CDC20B: variants seen among roughly 807,000 people sequenced by gnomAD.
The protein encoded by CDC20B is cell division cycle 20B.
CDC20B carries 58 observed loss-of-function variants against 64.1 expected under a neutral mutation model. The observed-to-expected ratio is 0.90, with a 90% CI of 0.73 to 1.13. The LOEUF (loss-of-function observed/expected upper bound fraction) is 1.13. Ranked by LOEUF, CDC20B falls within the 50% of genes most tolerant of loss-of-function variation. CDC20B has a pLI of 0.00. For synonymous variants in CDC20B, 243 were observed against 230.6 expected, an observed-to-expected ratio of 1.05 and a Z score of -0.49; for missense variants, 597 against 633.0, an observed-to-expected ratio of 0.94 and a Z score of 0.61.
chr5:55,125,553 T>G (rs990171975), intron 8 of CDC20B, among the ~76,000 whole-genome samples: 1 of 152,204 alleles, frequency 6.6e-6, no homozygotes, highest in African/African-American at 2.4e-5. Flanking sequence ...AAAAGAAGTT[T>G]AAAACCAATT....
intron 2 of CDC20B, among the ~76,000 whole-genome samples, chr5:55,156,199 G>C (rs752898648): frequency 6.6e-6 from 1 of 152,070 alleles, no homozygotes; most frequent in Non-Finnish European, 1.5e-5. Context: ...ACTACCACAA[G>C]AACAGTATAG....
chr5:55,163,930 T>C, intron 2 of CDC20B: 2 of 669,568 alleles, frequency 3.0e-6, no homozygotes, highest in Middle Eastern at 4.6e-4. Context: ...GGGTGTTTTG[T>C]TTTTTATATT....
At chr5:55,165,968 T>C (rs1473790093) in intron 2 of CDC20B, 1 of 152,224 alleles carries the variant, frequency 6.6e-6, no homozygotes, top group East Asian at 1.9e-4. Context: ...CCAACAAGCC[T>C]ATCTGTCCTT....
intron 2 of CDC20B, among the ~76,000 whole-genome samples, chr5:55,151,300 C>A (rs1253123979): frequency 1.3e-5 from 2 of 152,156 alleles, no homozygotes; most frequent in African/African-American, 4.8e-5. Flanking sequence ...TTCAAAAAGA[C>A]TGGAGGACTC....
At chr5:55,133,695 A>T (rs1743086241) in intron 5 of CDC20B, among the ~76,000 whole-genome samples, 167 bp from the exon 6 acceptor site, 1 of 152,214 alleles carries the variant, frequency 6.6e-6, no homozygotes, top group Non-Finnish European at 1.5e-5. Flanking sequence ...AAGGAAATGA[A>T]GAGCACTTCA....
chr5:55,161,325 C>G, intron 2 of CDC20B: 2 of 1,375,250 alleles, frequency 1.5e-6, no homozygotes, highest in East Asian at 2.3e-5. Context: ...CAGGACAATA[C>G]TTTCCTATTT....
At chr5:55,156,266 G>T (rs534067453) in intron 2 of CDC20B, among the ~76,000 whole-genome samples, 108 of 152,142 alleles carry the variant, frequency 7.1e-4, no homozygotes, top group African/African-American at 2.6e-3. Context: ...TCATATGTGG[G>T]GATTATTACA....
At chr5:55,133,682 A>G (rs143967833) in intron 5 of CDC20B, among the ~76,000 whole-genome samples, 154 bp from the exon 6 acceptor site, 76 of 152,338 alleles carry the variant, frequency 5.0e-4, no homozygotes, top group African/African-American at 1.8e-3. Context: ...GAGCCGGGGA[A>G]GGAAGGAAAT....
At chr5:55,132,926 A>C (rs372084834) in intron 6 of CDC20B, among the ~76,000 whole-genome samples, 1 of 152,188 alleles carries the variant, frequency 6.6e-6, no homozygotes, top group East Asian at 1.9e-4. Flanking sequence ...TATCTCCACA[A>C]CGTCTTTCTG....
At chr5:55,115,735 C>T (rs535947884) in intron 11 of CDC20B, among the ~76,000 whole-genome samples, 1 of 152,276 alleles carries the variant, frequency 6.6e-6, no homozygotes, top group South Asian at 2.1e-4. Context: ...CAGAAATGAT[C>T]GTGTACTCTG....
At position 55,119,828 on chromosome 5, in the gene CDC20B, T is replaced by TG. The variant is rs1451511571; in HGVS notation, c.1431dup (p.Thr478HisfsTer33). 1 of 1,613,802 alleles carries TG rather than the reference T, an allele frequency of 6.2e-7. No homozygotes were observed. Among genetic ancestry groups the TG allele is most frequent in the Non-Finnish European group, 8.5e-7 (1 of 1,179,816 alleles). On this transcript the variant is annotated frameshift_variant, in exon 11 of 12. Coordinates refer to ENST00000381375, the MANE Select transcript of CDC20B (RefSeq NM_001170402.1). LOFTEE classifies it high-confidence loss of function. Reference sequence around the variant, plus strand: ...AAAAACCCACCTGACCTGGACACAGTGGGACAGGTCCACACAGTCACATCA... The same window carrying TG: ...AAAAACCCACCTGACCTGGACACAGTGGGGACAGGTCCACACAGTCACATCA...
At chr5:55,121,344 G>A (rs754589469) in intron 9 of CDC20B, among the ~76,000 whole-genome samples, 5 of 151,874 alleles carry the variant, frequency 3.3e-5, no homozygotes, top group Admixed American at 6.6e-5. Context: ...AGTTTTCCAC[G>A]TTTTAATAGA....
chr5:55,142,917 T>C (rs1038319119), intron 4 of CDC20B, among the ~76,000 whole-genome samples: 1 of 152,214 alleles, frequency 6.6e-6, no homozygotes, highest in Non-Finnish European at 1.5e-5. Flanking sequence ...CTTCAAAGAC[T>C]CTTCATTGGA....
At chr5:55,120,359 T>C in intron 10 of CDC20B, 66 bp downstream of exon 10, 2 of 1,592,512 alleles carry the variant, frequency 1.3e-6, no homozygotes, top group South Asian at 2.2e-5. Context: ...ATAGGCTCTG[T>C]TGTAAACTAT....
rs1386259149 is a variant in CDC20B at position 55,113,928 on chromosome 5, T to C, written c.*290A>G. 3 of 308,678 alleles carry C rather than the reference T, an allele frequency of 9.7e-6. No homozygotes were observed. Among genetic ancestry groups the C allele is most frequent in the Non-Finnish European group, 1.8e-5 (3 of 169,976 alleles). 19.1% of individuals were successfully genotyped at this position (308,678 alleles called of 1,614,324 possible). The stretch of plus-strand genomic sequence containing the variant: ...GTAGAAATCTTTGCTATAGATGTTA[T>C]TCTGAATAAAGTAGTGAAAATGAAT... On this transcript the variant is annotated 3_prime_UTR_variant, in exon 12 of 12. Transcript: ENST00000381375.
rs773338405 is a variant in CDC20B, at chr5:55,114,254, T to C, written c.1524A>G (p.Ala508=). 1 of 1,613,894 alleles carries C rather than the reference T, an allele frequency of 6.2e-7. No individual in the cohort carries two copies. Among genetic ancestry groups the C allele is most frequent in the Admixed American group, 1.7e-5 (1 of 60,020 alleles). The change falls in exon 12 of 12, where the codon GCA becomes GCG. Residue 508 remains alanine, a synonymous_variant. Coordinates refer to ENST00000381375, the MANE Select transcript of CDC20B (RefSeq NM_001170402.1). This position sits in a 1 kb window ranked among gnomAD's most constrained non-coding sequence, Gnocchi z 4.1. ...SPDQTRVFSA[A]ADGTASVWNC... ...TCCATACAGAGGCCGTCCCATCAGC[T>C]GCAGCAGAAAACACCCGGGTCTGGT... is the stretch of plus-strand genomic sequence containing the variant.
chr5:55,120,736 T>C (rs886514039), intron 9 of CDC20B, among the ~76,000 whole-genome samples, 186 bp from the exon 10 acceptor site: 6 of 152,170 alleles, frequency 3.9e-5, no homozygotes, highest in Non-Finnish European at 7.4e-5. Context: ...AGCAGTCACT[T>C]CTGGAAGGGA....
chr5:55,160,355 G>A (rs1388007209), intron 2 of CDC20B: 1 of 1,613,364 alleles, frequency 6.2e-7, no homozygotes, highest in Admixed American at 1.7e-5. Context: ...AGTGAAGGAT[G>A]CAAAAGGAAG....
chr5:55,122,222 A>C (rs1202382871), intron 9 of CDC20B, among the ~76,000 whole-genome samples: 1 of 152,180 alleles, frequency 6.6e-6, no homozygotes, highest in African/African-American at 2.4e-5. Flanking sequence ...TTTGGACTAA[A>C]GATGACTGTT....
Sources: gnomAD v4.1 joint callset for allele counts (sites outside exome capture counted in the v4.1 genomes callset) on GRCh38, gnomAD v4.1.1 for gene constraint, Gnocchi (gnomAD v3.1) non-coding constraint, MANE v1.5 for transcripts, NCBI Gene and HGNC (gene_info 2026-07-23, HGNC 2026-07-21) for gene names.